Variants in GTF2H2 observed in about 807,000 individuals in gnomAD.
GTF2H2 encodes TFIIH basal transcription factor complex p44 subunit.
GTF2H2 carries 2 observed loss-of-function variants against 16.5 expected under a neutral mutation model. The observed-to-expected ratio is 0.12, with a 90% CI of 0.05 to 0.38. The LOEUF (loss-of-function observed/expected upper bound fraction) is 0.38, where lower values mean the gene tolerates loss of function less well. GTF2H2 is among the 10% of genes least tolerant of loss of function. The pLI is 0.99. For synonymous variants in GTF2H2, 8 were observed against 44.1 expected (o/e 0.18, Z 3.24); for missense variants, 20 against 137.0 (o/e 0.15, Z 4.26).
intron 8 of GTF2H2, among the ~76,000 whole-genome samples, chr5:71,052,271 G>A (rs1752796936): frequency 1.5e-5 from 2 of 132,584 alleles, no homozygotes; most frequent in Non-Finnish European, 3.2e-5. Flanking sequence ...GGGTTCATGC[G>A]ATTCTCCTGC....
chr5:71,053,973 C>T (rs1189912368), intron 8 of GTF2H2, among the ~76,000 whole-genome samples: 1 of 128,992 alleles, frequency 7.8e-6, no homozygotes, highest in African/African-American at 3.2e-5. Flanking sequence ...GATCTCATCA[C>T]GCTACCCAGA....
At position 71,051,035 on chromosome 5, in the gene GTF2H2, C is replaced by T. The variant is rs1429063474; in HGVS notation, c.471-1877G>A. 6.3e-5 allele frequency among the ~76,000 whole-genome samples: 9 copies of T among 142,610 alleles called. 2 individuals carry two copies. The South Asian group carries it at 6.4e-4, about 10-fold the overall frequency. 93.6% of individuals were successfully genotyped at this position (142,610 alleles called of 152,430 possible). ...ATAATTTTTGTATTTTTAGTGAGGA[C>T]GGGGTTTCACCATGTTGGCCAGACT... On this transcript the variant is annotated intron_variant, in intron 8 of 15. Coordinates refer to ENST00000274400, the Ensembl canonical transcript of GTF2H2.
Position 71,055,453 on chromosome 5 carries a change from G to A in GTF2H2, c.369C>T (p.Asn123=), listed in dbSNP as rs1228676522. 4 of 1,537,008 alleles carry A rather than the reference G, an allele frequency of 2.6e-6. No individual in the cohort carries two copies. The African/African-American group carries it at 6.1e-5, about 24-fold the overall frequency. ...TCAAAGACGTTATATGTTTTCTTGG[G>A]TTTCCTAAAATAGAAATAAGATCTT... Residue 123 remains asparagine (N), a synonymous_variant, in exon 8 of 16, where the codon AAC becomes AAT. Transcript: ENST00000274400.
intron 7 of GTF2H2, among the ~76,000 whole-genome samples, chr5:71,057,455 T>C (rs1253073803): frequency 1.4e-5 from 2 of 142,630 alleles, no homozygotes; most frequent in African/African-American, 2.6e-5. Context: ...ATGTCTTCTT[T>C]GTCTATTCAT....
chr5:71,046,544 T>C lies in GTF2H2; in HGVS notation c.758-1037A>G, dbSNP rs1475648101. Among the ~76,000 whole-genome samples the C allele has an allele frequency of 3.5e-5, 3 of 86,860 alleles. 1 individual carries two copies. Among genetic ancestry groups the C allele is most frequent in the Non-Finnish European group, 2.2e-5 (1 of 45,002 alleles). The allele number at this position is 86,860 out of a possible 152,430, so 57.0% of individuals were successfully genotyped here. A position where few individuals can be genotyped will look rare whatever the true frequency, so the allele number is the denominator to read the frequency against. On this transcript the variant is annotated intron_variant, in intron 11 of 15. Coordinates refer to ENST00000274400, the Ensembl canonical transcript of GTF2H2. Reference sequence around the variant, plus strand: ...GAAAAGCATTTTATTTCATTAACATTTAAAAATATACATATTAAATAAGGA... The same window carrying C: ...GAAAAGCATTTTATTTCATTAACATCTAAAAATATACATATTAAATAAGGA...
intron 8 of GTF2H2, among the ~76,000 whole-genome samples, chr5:71,053,250 C>G (rs1332342705): frequency 7.2e-6 from 1 of 139,524 alleles, no homozygotes; most frequent in African/African-American, 2.8e-5. Flanking sequence ...CTTGAACACT[C>G]AGAGGCCACT....
At chr5:71,045,769 CTT>C (rs1752287868) in intron 11 of GTF2H2, among the ~76,000 whole-genome samples, 1 of 78,708 alleles carries the variant, frequency 1.3e-5, no homozygotes, top group African/African-American at 6.6e-5. Flanking sequence ...TTTTTTTTTT[CTT>C]GAGATGGAGT....
chr5:71,055,222 A>G lies in GTF2H2; in HGVS notation c.470+130T>C, dbSNP rs1209660701. On this transcript the variant is annotated intron_variant, in intron 8 of 15. Coordinates refer to ENST00000274400, the Ensembl canonical transcript of GTF2H2. ...CAACACCACACTAAACATCATAAAT[A>G]ACACTACATAATTCTTGTACTTAAC... The G allele has an allele frequency of 3.3e-5, 29 of 869,422 alleles. 2 individuals carry two copies. Among genetic ancestry groups the G allele is most frequent in the East Asian group, 8.9e-5 (3 of 33,572 alleles). The allele number at this position is 869,422 out of a possible 1,614,324, so 53.9% of individuals were successfully genotyped here. A position where few individuals can be genotyped will look rare whatever the true frequency, so the allele number is the denominator to read the frequency against.
intron 8 of GTF2H2, among the ~76,000 whole-genome samples, chr5:71,050,520 TA>T (rs1472486178): frequency 2.5e-4 from 9 of 35,780 alleles, no homozygotes; most frequent in Admixed American, 3.8e-4. Flanking sequence ...GCATTATATC[TA>T]AAAAAAAAAG....
chr5:71,037,783 C>A (rs1337370651), intron 14 of GTF2H2, among the ~76,000 whole-genome samples: 1 of 70,058 alleles, frequency 1.4e-5, no homozygotes, highest in African/African-American at 5.5e-5. Flanking sequence ...ACCAGCCTGG[C>A]CAACATGGCG....
chr5:71,057,425 G>C (rs1753335982), intron 7 of GTF2H2, among the ~76,000 whole-genome samples: 1 of 143,248 alleles, frequency 7.0e-6, no homozygotes, highest in African/African-American at 2.6e-5. Context: ...TTTAATTTCT[G>C]GGTTTCTTCT....
chr5:71,053,264 G>A (rs1296906251), intron 8 of GTF2H2, among the ~76,000 whole-genome samples: 24 of 140,602 alleles, frequency 1.7e-4, no homozygotes, highest in Middle Eastern at 3.5e-3. Context: ...GGCCACTGGA[G>A]GGTTATTATT....
At chr5:71,050,868 A>ATTTT in intron 8 of GTF2H2, among the ~76,000 whole-genome samples, 1 of 82,408 alleles carries the variant, frequency 1.2e-5, no homozygotes, top group Non-Finnish European at 2.4e-5. Flanking sequence ...TTGTTTTGAG[A>ATTTT]CTGATTCTTG....
intron 2 of GTF2H2, 150 bp from the exon 3 acceptor site, chr5:71,061,915 C>T: frequency 1.5e-4 from 1 of 6,754 alleles, no homozygotes; most frequent in South Asian, 1.2e-3. Flanking sequence ...ACCTAAATAT[C>T]CACAGACTAG....
rs1218643643 is a variant in GTF2H2 at position 71,053,850 on chromosome 5, AAC to A, written c.470+1500_470+1501del. On this transcript the variant is annotated intron_variant, in intron 8 of 15. Transcript: ENST00000274400. ...TGCAATAGTTTTGACAGTCAATAAC[AAC>A]AGTTAATCTGATGACTTAGGCCATT... Among the ~76,000 whole-genome samples the A allele has an allele frequency of 9.1e-4, 121 of 132,640 alleles. 16 individuals carry two copies. The highest frequency in any genetic ancestry group is 3.6e-3 in the African/African-American group (117 of 32,262). 87.0% of individuals were successfully genotyped at this position (132,640 alleles called of 152,430 possible).
rs1302507717 is a variant in GTF2H2, at chr5:71,052,254, G to A, written c.471-3096C>T. Among the ~76,000 whole-genome samples, 3 of 135,044 alleles carry A rather than the reference G, an allele frequency of 2.2e-5. 1 individual carries two copies. Among genetic ancestry groups the A allele is most frequent in the African/African-American group, 8.9e-5 (3 of 33,666 alleles). The allele number at this position is 135,044 out of a possible 152,430, so 88.6% of individuals were successfully genotyped here. A position where few individuals can be genotyped will look rare whatever the true frequency, so the allele number is the denominator to read the frequency against. ...GCGATCTCGGCTCACTGCAACCTCT[G>A]CCTCCTGGGTTCATGCGATTCTCCT... is the stretch of plus-strand genomic sequence containing the variant. On this transcript the variant is annotated intron_variant, in intron 8 of 15. Coordinates refer to ENST00000274400, the Ensembl canonical transcript of GTF2H2.
At chr5:71,054,693 GAAA>G (rs985521171) in intron 8 of GTF2H2, among the ~76,000 whole-genome samples, 1 of 130,160 alleles carries the variant, frequency 7.7e-6, no homozygotes. Context: ...ACTCTGTCTC[GAAA>G]AAAAATATAT....
At chr5:71,036,064 T>G (rs560103) in intron 15 of GTF2H2, among the ~76,000 whole-genome samples, 1 of 59,456 alleles carries the variant, frequency 1.7e-5, no homozygotes, top group African/African-American at 8.1e-5. Context: ...ATTTCATTCT[T>G]AGGTTTAGGA....
At chr5:71,037,729 T>C (rs1373927107) in intron 14 of GTF2H2, among the ~76,000 whole-genome samples, 183 bp from the exon 15 acceptor site, 1 of 65,730 alleles carries the variant, frequency 1.5e-5, no homozygotes, top group Non-Finnish European at 2.9e-5. Context: ...CCCAGCACTT[T>C]GGGAGGCCGA....
Sources: allele counts gnomAD v4.1 joint callset (sites outside exome capture counted in the v4.1 genomes callset), GRCh38; gene constraint gnomAD v4.1.1; transcripts MANE v1.5; gene names NCBI Gene and HGNC (gene_info 2026-07-23, HGNC 2026-07-21).